The following KATNAL2 variants were observed in gnomAD, a reference collection of about 807,000 sequenced individuals.
The protein encoded by KATNAL2 is katanin p60 ATPase-containing subunit A-like 2.
Under a neutral mutation model 76.3 loss-of-function variants are expected in KATNAL2, and 52 were observed. The observed-to-expected ratio is 0.68, with a 90% confidence interval of 0.55 to 0.86. The LOEUF is 0.86. Among genes scored for constraint, KATNAL2 ranks in the 40% least tolerant of loss-of-function variants. The pLI is 0.00. For missense variants in KATNAL2, 660 were observed against 668.9 expected, an observed-to-expected ratio of 0.99 and a Z score of 0.15; for synonymous variants, 243 against 244.2, an observed-to-expected ratio of 1.00 and a Z score of 0.05.
intron 1 of KATNAL2, among the ~76,000 whole-genome samples, chr18:46,942,392 G>C: frequency 6.6e-6 from 1 of 152,132 alleles, no homozygotes; most frequent in South Asian, 2.1e-4. Flanking sequence ...CGAGGTGGGC[G>C]GATCACGAGG....
intron 10 of KATNAL2, among the ~76,000 whole-genome samples, chr18:47,065,340 C>T (rs935888270): frequency 3.3e-5 from 5 of 150,718 alleles, no homozygotes; most frequent in Non-Finnish European, 7.4e-5. Context: ...CCAGCCTGGG[C>T]AACATAATGA....
chr18:47,070,019 T>G (rs1457769486), intron 13 of KATNAL2, among the ~76,000 whole-genome samples: 1 of 152,142 alleles, frequency 6.6e-6, no homozygotes, highest in African/African-American at 2.4e-5. Flanking sequence ...TCAAGAAACT[T>G]TAAACTTCAT....
At chr18:47,096,821 T>C (rs2063263336) in intron 15 of KATNAL2, among the ~76,000 whole-genome samples, 2 of 152,152 alleles carry the variant, frequency 1.3e-5, no homozygotes, top group African/African-American at 4.8e-5. Context: ...AATTTCATAA[T>C]AACTCCAAAT....
chr18:47,089,382 G>A (rs2062906415), intron 15 of KATNAL2, among the ~76,000 whole-genome samples: 1 of 152,028 alleles, frequency 6.6e-6, no homozygotes, highest in South Asian at 2.1e-4. Flanking sequence ...CTCAATTTTG[G>A]TAATATATTT....
chr18:47,091,237 G>A (rs2062987393), intron 15 of KATNAL2: 1 of 152,320 alleles, frequency 6.6e-6, no homozygotes, highest in African/African-American at 2.4e-5. Flanking sequence ...TGTAAACCGT[G>A]GAAGTGGCCA....
At chr18:47,035,466 T>A in intron 3 of KATNAL2, 7 of 1,125,918 alleles carry the variant, frequency 6.2e-6, no homozygotes, top group Non-Finnish European at 8.7e-6. Context: ...TGCAGACAGC[T>A]GAGCAGGCCC....
intron 4 of KATNAL2, among the ~76,000 whole-genome samples, chr18:47,047,088 T>A (rs921854312): frequency 3.3e-5 from 5 of 152,046 alleles, no homozygotes; most frequent in African/African-American, 7.2e-5. Flanking sequence ...GCCTGGCTAA[T>A]TTTTGTATTT....
chr18:46,918,947 T>TA (rs1232320926), intron 1 of KATNAL2, among the ~76,000 whole-genome samples: 13 of 151,890 alleles, frequency 8.6e-5, no homozygotes, highest in African/African-American at 3.1e-4. Flanking sequence ...CCATGGTAAT[T>TA]ATGTAGGTAT....
chr18:46,928,766 A>T (rs1303321765), intron 1 of KATNAL2, among the ~76,000 whole-genome samples: 3 of 151,372 alleles, frequency 2.0e-5, no homozygotes, highest in African/African-American at 4.9e-5. Flanking sequence ...TCCCAGTCAA[A>T]CCTCCCACCA....
intron 10 of KATNAL2, among the ~76,000 whole-genome samples, chr18:47,064,435 G>A (rs184306552): frequency 1.3e-5 from 2 of 152,290 alleles, no homozygotes; most frequent in Admixed American, 1.3e-4. Context: ...GGTTCCTGAG[G>A]AAGGGTGCTG....
chr18:47,034,369 T>A, intron 3 of KATNAL2: 1 of 1,614,014 alleles, frequency 6.2e-7, no homozygotes, highest in Non-Finnish European at 8.5e-7. Flanking sequence ...GTCTGGAGCC[T>A]CCTCCAAGGC....
chr18:47,092,771 C>T (rs993511631), intron 15 of KATNAL2, among the ~76,000 whole-genome samples: 5 of 152,196 alleles, frequency 3.3e-5, no homozygotes, highest in South Asian at 2.1e-4. Flanking sequence ...TCACTCTATG[C>T]GTCACAGCCT....
chr18:46,967,542 C>T (rs189556067), intron 3 of KATNAL2, among the ~76,000 whole-genome samples: 2 of 111,932 alleles, frequency 1.8e-5, no homozygotes, highest in African/African-American at 6.8e-5. Flanking sequence ...TGTGCGTGTG[C>T]GTGTGTGTGT....
intron 4 of KATNAL2, among the ~76,000 whole-genome samples, chr18:47,049,069 C>T (rs893404308): frequency 3.3e-5 from 5 of 152,010 alleles, no homozygotes; most frequent in Non-Finnish European, 7.4e-5. Context: ...GTGATCCACC[C>T]GCCTCGGCCT....
At chr18:47,085,723 A>G (rs1288986088) in intron 15 of KATNAL2, among the ~76,000 whole-genome samples, 1 of 152,138 alleles carries the variant, frequency 6.6e-6, no homozygotes, top group African/African-American at 2.4e-5. Flanking sequence ...GATTTGAGTA[A>G]TGACTCCATT....
At chr18:46,957,316 C>G (rs1019365388) in intron 3 of KATNAL2, among the ~76,000 whole-genome samples, 3 of 141,086 alleles carry the variant, frequency 2.1e-5, no homozygotes, top group Non-Finnish European at 3.0e-5. Context: ...TGCAGTGGCG[C>G]GGTCTCGGCT....
At chr18:47,043,467 G>T (rs2061043641) in intron 3 of KATNAL2, among the ~76,000 whole-genome samples, 1 of 152,110 alleles carries the variant, frequency 6.6e-6, no homozygotes, top group Non-Finnish European at 1.5e-5. Flanking sequence ...GAAGAAAAGA[G>T]GTTTAATTGA....
chr18:46,958,142 A>G (rs1290531412), intron 3 of KATNAL2, among the ~76,000 whole-genome samples: 1 of 150,688 alleles, frequency 6.6e-6, no homozygotes, highest in East Asian at 1.9e-4. Context: ...TTTTTTCTGC[A>G]TTTGGACTCA....
intron 1 of KATNAL2, among the ~76,000 whole-genome samples, chr18:46,927,525 CT>C (rs1256788357): frequency 1.3e-5 from 2 of 152,116 alleles, no homozygotes; most frequent in East Asian, 3.9e-4. Flanking sequence ...ACATTTTTTC[CT>C]TCATTTCAAC....
Sources: allele counts gnomAD v4.1 joint callset (sites outside exome capture counted in the v4.1 genomes callset), GRCh38; gene constraint gnomAD v4.1.1; transcripts MANE v1.5; gene names NCBI Gene and HGNC (gene_info 2026-07-23, HGNC 2026-07-21).